The following TMCO5A variants were observed in gnomAD, a reference collection of about 807,000 sequenced individuals.
TMCO5A encodes transmembrane and coiled-coil domains 5A, also known as transmembrane and coiled-coil domain-containing protein 5A.
TMCO5A carries 34 observed loss-of-function variants against 42.3 expected under a neutral mutation model. The observed-to-expected ratio is 0.80, with a 90% CI of 0.61 to 1.07. The LOEUF (loss-of-function observed/expected upper bound fraction) is 1.07. Ranked by LOEUF, TMCO5A falls within the 50% of genes least tolerant of loss-of-function variation. The pLI, the probability that TMCO5A is intolerant of heterozygous loss-of-function variation, is 0.00. For missense variants in TMCO5A, 357 were observed against 327.9 expected, an observed-to-expected ratio of 1.09 and a Z score of -0.69; for synonymous variants, 131 against 115.6, an observed-to-expected ratio of 1.13 and a Z score of -0.86.
At chr15:37,942,336 A>G in intron 9 of TMCO5A, 81 bp downstream of exon 9, 2 of 1,376,250 alleles carry the variant, frequency 1.5e-6, no homozygotes, top group Non-Finnish European at 2.0e-6. Context: ...TCTCAGACCA[A>G]TTTCTATTTG....
At chr15:38,034,343 T>C in the TMCO5A span, among the ~76,000 whole-genome samples, 1 of 151,934 alleles carries the variant, frequency 6.6e-6, no homozygotes, top group Admixed American at 6.6e-5. Context: ...AGCACCAGAG[T>C]CCTAAAATAA....
chr15:38,004,269 G>A, the TMCO5A span, among the ~76,000 whole-genome samples: 1 of 151,874 alleles, frequency 6.6e-6, no homozygotes, highest in Non-Finnish European at 1.5e-5. Flanking sequence ...ATGGCTGAGT[G>A]GATATCCAAG....
At chr15:37,942,165 G>C (rs760862066) in intron 8 of TMCO5A, 26 bp from the exon 9 acceptor site, 3 of 1,607,976 alleles carry the variant, frequency 1.9e-6, no homozygotes, top group Middle Eastern at 1.7e-4. Flanking sequence ...AGTAGTAACT[G>C]TGGCTTTCTT....
chr15:38,019,376 T>C, the TMCO5A span, among the ~76,000 whole-genome samples: 2 of 152,182 alleles, frequency 1.3e-5, no homozygotes, highest in African/African-American at 4.8e-5. Context: ...TTATTTTGCA[T>C]GGATGGGATA....
the TMCO5A span, among the ~76,000 whole-genome samples, chr15:38,033,245 A>G: frequency 6.6e-6 from 1 of 152,198 alleles, no homozygotes; most frequent in Non-Finnish European, 1.5e-5. Flanking sequence ...AATGAGTCAG[A>G]TAAGATGATT....
At chr15:37,999,628 G>A in the TMCO5A span, among the ~76,000 whole-genome samples, 2 of 151,974 alleles carry the variant, frequency 1.3e-5, no homozygotes, top group African/African-American at 4.8e-5. Flanking sequence ...AAAAGATTTT[G>A]GTTTTTCCTC....
At chr15:37,948,085 T>C (rs893724779) in intron 11 of TMCO5A, among the ~76,000 whole-genome samples, 4 of 152,122 alleles carry the variant, frequency 2.6e-5, no homozygotes, top group African/African-American at 9.7e-5. Flanking sequence ...CACATGCTAG[T>C]ATACCACTGT....
the TMCO5A span, among the ~76,000 whole-genome samples, chr15:38,001,573 G>T: frequency 6.7e-6 from 1 of 150,216 alleles, no homozygotes. Context: ...ATTGTTTTGT[G>T]GTCTTCTCTT....
chr15:38,012,029 G>C, the TMCO5A span, among the ~76,000 whole-genome samples: 1 of 152,088 alleles, frequency 6.6e-6, no homozygotes, highest in Middle Eastern at 3.4e-3. Flanking sequence ...GAGGCTGAAG[G>C]AGGAGAATGG....
the TMCO5A span, among the ~76,000 whole-genome samples, chr15:37,982,361 C>T: frequency 6.6e-6 from 1 of 151,178 alleles, no homozygotes; most frequent in African/African-American, 2.4e-5. Context: ...AGATAGATCT[C>T]ACTCCACAAT....
the TMCO5A span, among the ~76,000 whole-genome samples, chr15:38,007,240 T>A: frequency 2.0e-5 from 3 of 152,260 alleles, no homozygotes; most frequent in African/African-American, 4.8e-5. Flanking sequence ...CAAATGAGAG[T>A]TCAACACTCC....
exon 12 of TMCO5A, chr15:37,966,720 C>T (rs1225704059): frequency 1.4e-6 from 1 of 702,600 alleles, no homozygotes; most frequent in Non-Finnish European, 2.6e-6. Flanking sequence ...TCTTTTCCAA[C>T]AGGTTCAGCA....
the TMCO5A span, among the ~76,000 whole-genome samples, chr15:38,004,478 A>C: frequency 6.6e-6 from 1 of 152,140 alleles, no homozygotes; most frequent in Non-Finnish European, 1.5e-5. Context: ...CTTGTGGCTT[A>C]GACTGCCTTT....
rs750510193 is a variant in TMCO5A at position 37,942,287 on chromosome 15, G to A, written c.569+32G>A. 7 of 1,603,648 alleles carry A rather than the reference G, an allele frequency of 4.4e-6. No individual in the cohort carries two copies. The African/African-American group carries it at 8.1e-5, about 19-fold the overall frequency. On this transcript the variant is annotated intron_variant, in intron 9 of 11. Transcript: ENST00000319669. ...TTTGGCAAAGGAACATCCTGGTTTT[G>A]GTAGAAACTCCATCTCAGCCTGAGT...
chr15:37,985,129 G>T, the TMCO5A span, among the ~76,000 whole-genome samples: 1 of 151,586 alleles, frequency 6.6e-6, no homozygotes, highest in Non-Finnish European at 1.5e-5. Flanking sequence ...AGAGTGGGTG[G>T]CTTCTTCTGA....
chr15:37,969,152 A>G (rs563405189), downstream of TMCO5A, among the ~76,000 whole-genome samples: 277 of 152,314 alleles, frequency 1.8e-3, 1 homozygote, highest in South Asian at 4.6e-3. Context: ...GTGACATTAA[A>G]TCTGTGAATT....
the TMCO5A span, among the ~76,000 whole-genome samples, chr15:38,015,418 T>C: frequency 1.3e-5 from 2 of 152,174 alleles, no homozygotes; most frequent in African/African-American, 4.8e-5. Flanking sequence ...TGCTAAAAGA[T>C]GTGGAACAAC....
At chr15:37,980,403 G>A in the TMCO5A span, among the ~76,000 whole-genome samples, 1 of 152,092 alleles carries the variant, frequency 6.6e-6, no homozygotes, top group African/African-American at 2.4e-5. Context: ...TCAGTCTAGA[G>A]GCCCATTTCC....
At chr15:37,998,899 T>TG in the TMCO5A span, among the ~76,000 whole-genome samples, 2 of 151,980 alleles carry the variant, frequency 1.3e-5, no homozygotes, top group East Asian at 1.9e-4. Context: ...GTTTTCTTTT[T>TG]TTGTTGTTGT....
Sources: allele counts gnomAD v4.1 joint callset (sites outside exome capture counted in the v4.1 genomes callset), GRCh38; gene constraint gnomAD v4.1.1; transcripts MANE v1.5; gene names NCBI Gene and HGNC (gene_info 2026-07-23, HGNC 2026-07-21).